The following CACNA1C variants were observed in gnomAD, a reference collection of about 807,000 sequenced individuals.
CACNA1C encodes the protein voltage-dependent L-type calcium channel subunit alpha-1C.
A neutral mutation model predicts 229.0 loss-of-function variants in CACNA1C; 30 were observed. The observed-to-expected ratio is 0.13, with a 90% CI of 0.10 to 0.18. The LOEUF (loss-of-function observed/expected upper bound fraction) is 0.18, where lower values mean the gene tolerates loss of function less well. Among genes scored for constraint, CACNA1C ranks in the 10% least tolerant of loss-of-function variants. The pLI is 1.00. For synonymous variants in CACNA1C, 1,114 were observed against 1,132.5 expected, an observed-to-expected ratio of 0.98 and a Z score of 0.33; for missense variants, 1,658 against 2,845.0, an observed-to-expected ratio of 0.58 and a Z score of 9.49.
Position 1,971,903 on chromosome 12 carries a change from C to T in CACNA1C, c.139+702C>T, listed in dbSNP as rs771680481. 5.9e-5 allele frequency among the ~76,000 whole-genome samples: 9 copies of T among 152,080 alleles called. No homozygotes were observed. The highest frequency in any genetic ancestry group is 9.7e-5 in the African/African-American group (4 of 41,410). Reference sequence around the variant, plus strand: ...CAAATCATGAATGATAGCTTGTAATCGTCTAATGAGGACATGTGATAATGT... The same window carrying T: ...CAAATCATGAATGATAGCTTGTAATTGTCTAATGAGGACATGTGATAATGT... On this transcript the variant is annotated intron_variant, in intron 1 of 46. Transcript: ENST00000682462. The surrounding 1 kb of genome is among the most constrained non-coding windows in gnomAD (Gnocchi z 4.2).
At chr12:2,658,622 ACTTAT>A (rs1407651131) in intron 34 of CACNA1C, among the ~76,000 whole-genome samples, 1 of 12,816 alleles carries the variant, frequency 7.8e-5, no homozygotes, top group African/African-American at 1.3e-4. Context: ...TACTGCTTCT[ACTTAT>A]TTTTTTTTAA....
intron 3 of CACNA1C, among the ~76,000 whole-genome samples, chr12:2,268,509 TG>T (rs2083342430): frequency 6.6e-6 from 1 of 152,118 alleles, no homozygotes; most frequent in South Asian, 2.1e-4. Flanking sequence ...CTGGGCAGGC[TG>T]GGGGTGTGGG....
At chr12:2,126,423 C>T (rs967617037) in intron 3 of CACNA1C, among the ~76,000 whole-genome samples, 1 of 152,226 alleles carries the variant, frequency 6.6e-6, no homozygotes, top group African/African-American at 2.4e-5. Flanking sequence ...ACAAGCTCTG[C>T]AAGCGGAGCC....
intron 3 of CACNA1C, among the ~76,000 whole-genome samples, chr12:2,352,445 G>C (rs1325137474): frequency 3.9e-5 from 6 of 152,206 alleles, no homozygotes; most frequent in Non-Finnish European, 7.3e-5. Flanking sequence ...GGGGAAACGT[G>C]GTCGGGTTTG....
rs2090736157 is a variant in CACNA1C, at chr12:2,632,195, T to G, written c.3829-2102T>G. The stretch of plus-strand genomic sequence containing the variant: ...TCCCCTTCGCAGACCATTTCTAAAC[T>G]AAAGGCGTGAATGTTTTTTCTTAAA... On this transcript the variant is annotated intron_variant, in intron 29 of 46. Coordinates refer to ENST00000399655, the MANE Select transcript of CACNA1C (RefSeq NM_000719.7). This position sits in a 1 kb window ranked among gnomAD's most constrained non-coding sequence, Gnocchi z 4.1. Among the ~76,000 whole-genome samples the G allele has an allele frequency of 6.6e-6, 1 of 151,944 alleles. No individual in the cohort carries two copies. Among genetic ancestry groups the G allele is most frequent in the Non-Finnish European group, 1.5e-5 (1 of 67,988 alleles).
chr12:1,994,650 A>T (rs1376450375), intron 1 of CACNA1C, among the ~76,000 whole-genome samples: 1 of 152,222 alleles, frequency 6.6e-6, no homozygotes, highest in African/African-American at 2.4e-5. Context: ...TGAACTCTCT[A>T]TTACAGAAAG....
At chr12:2,178,307 AGAAGG>A (rs2096729639) in intron 3 of CACNA1C, among the ~76,000 whole-genome samples, 2 of 152,218 alleles carry the variant, frequency 1.3e-5, no homozygotes, top group Admixed American at 1.3e-4. Flanking sequence ...CTGGCTATCG[AGAAGG>A]GAAGGGAGCT....
intron 1 of CACNA1C, among the ~76,000 whole-genome samples, chr12:2,105,828 A>C (rs1423816917): frequency 5.0e-5 from 3 of 60,314 alleles, no homozygotes; most frequent in South Asian, 1.6e-3. Context: ...GGGCATCCTG[A>C]AGCCACTGGG....
At chr12:2,663,001 A>G (rs2095845272) in intron 34 of CACNA1C, among the ~76,000 whole-genome samples, 1 of 152,248 alleles carries the variant, frequency 6.6e-6, no homozygotes, top group South Asian at 2.1e-4. Flanking sequence ...TCAATAAGTT[A>G]TTGCGGAAAA....
chr12:2,545,581 C>G (rs183495672), intron 9 of CACNA1C, among the ~76,000 whole-genome samples: 1 of 152,184 alleles, frequency 6.6e-6, no homozygotes, highest in Non-Finnish European at 1.5e-5. Flanking sequence ...AACATCCTTT[C>G]CATAGTCTAA....
At chr12:2,104,365 G>A (rs2077438726) in intron 1 of CACNA1C, among the ~76,000 whole-genome samples, 1 of 152,022 alleles carries the variant, frequency 6.6e-6, no homozygotes, top group African/African-American at 2.4e-5. Context: ...TCATGATTTG[G>A]CTGTCTGTCC....
chr12:2,005,144 A>C (rs2043157207), intron 1 of CACNA1C, among the ~76,000 whole-genome samples: 1 of 141,816 alleles, frequency 7.1e-6, no homozygotes, highest in Non-Finnish European at 1.5e-5. Context: ...TCAGTTACAA[A>C]AGAAAAAAAA....
In CACNA1C at chr12:2,638,061, G is replaced by T. The variant is rs373137428; in HGVS notation, c.3912+3681G>T. ...CGTCAGGCACCGTTTGAGGCACCTG[G>T]GATCCATCAGCTGGCAAACCAAAAG... On this transcript the variant is annotated intron_variant, in intron 30 of 46. Coordinates refer to ENST00000399655, the MANE Select transcript of CACNA1C (RefSeq NM_000719.7). Among the ~76,000 whole-genome samples, 16 of 152,254 alleles carry T rather than the reference G, an allele frequency of 1.1e-4. No individual in the cohort carries two copies. In the South Asian group the frequency reaches 1.9e-3, roughly 18 times the overall value.
intron 5 of CACNA1C, among the ~76,000 whole-genome samples, chr12:2,473,999 C>T (rs2099606928): frequency 6.6e-6 from 1 of 151,188 alleles, no homozygotes; most frequent in Non-Finnish European, 1.5e-5. Context: ...CAAGAACATC[C>T]AGGGAAGAGA....
intron 3 of CACNA1C, among the ~76,000 whole-genome samples, chr12:2,210,467 T>C (rs562791141): frequency 6.6e-6 from 1 of 152,352 alleles, no homozygotes; most frequent in Non-Finnish European, 1.5e-5. Flanking sequence ...CTTGTTTCTC[T>C]TTCCTAGGAG....
chr12:2,594,589 T>C (rs1490392078), intron 19 of CACNA1C, among the ~76,000 whole-genome samples: 3 of 152,268 alleles, frequency 2.0e-5, no homozygotes, highest in Admixed American at 6.5e-5. Context: ...TCCTCATCTT[T>C]GTGATTTAGT....
At chr12:2,379,892 G>T (rs1037430080) in intron 3 of CACNA1C, among the ~76,000 whole-genome samples, 1 of 149,778 alleles carries the variant, frequency 6.7e-6, no homozygotes, top group Admixed American at 6.6e-5. Context: ...TTAGCCGGGC[G>T]TAGTGGCGGG....
chr12:2,603,240 T>A (rs2073665843), intron 22 of CACNA1C: 1 of 152,150 alleles, frequency 6.6e-6, no homozygotes. Flanking sequence ...GACCTTTAAA[T>A]CCCTTCCATT....
chr12:2,551,566 C>T (rs1202349443), intron 10 of CACNA1C, among the ~76,000 whole-genome samples: 2 of 152,158 alleles, frequency 1.3e-5, no homozygotes, highest in Non-Finnish European at 2.9e-5. Context: ...AATGATGAGC[C>T]AAGACTGCCA....
Sources: gnomAD v4.1 joint callset for allele counts (sites outside exome capture counted in the v4.1 genomes callset) on GRCh38, gnomAD v4.1.1 for gene constraint, Gnocchi (gnomAD v3.1) non-coding constraint, MANE v1.5 for transcripts, NCBI Gene and HGNC (gene_info 2026-07-23, HGNC 2026-07-21) for gene names.